Variants in UBE3C observed in about 807,000 individuals in gnomAD.
UBE3C encodes the protein ubiquitin-protein ligase E3C.
Under a neutral mutation model 129.4 loss-of-function variants are expected in UBE3C, and 42 were observed. That is an observed-to-expected ratio of 0.32 (90% CI 0.25 to 0.42). UBE3C has a LOEUF of 0.42. Among genes scored for constraint, UBE3C ranks in the 10% least tolerant of loss-of-function variants. The pLI is 1.00. For synonymous variants in UBE3C, 510 were observed against 492.4 expected (o/e 1.04, Z -0.47); for missense variants, 1,049 against 1,319.1 (o/e 0.80, Z 3.17).
intron 1 of UBE3C, among the ~76,000 whole-genome samples, chr7:157,144,690 TA>T (rs79516096): frequency 6.6e-6 from 1 of 151,390 alleles, no homozygotes; most frequent in East Asian, 1.9e-4. Context: ...GTGCTTTTTT[TA>T]AAAAAAAATA....
At chr7:157,140,131 C>G in intron 1 of UBE3C, 1 of 604,566 alleles carries the variant, frequency 1.7e-6, no homozygotes, top group Non-Finnish European at 2.1e-6. Flanking sequence ...ACCGCTAAGT[C>G]GTTGAACACT....
chr7:157,208,223 T>TG lies in UBE3C; in HGVS notation c.1809+289dup, dbSNP rs148036563. Reference sequence around the variant, plus strand: ...CTGAGTAGCTGGGGCTACTGGCACATGCCACCACACCCAGCTAATTTATTA... The same window carrying TG: ...CTGAGTAGCTGGGGCTACTGGCACATGGCCACCACACCCAGCTAATTTATTA... On this transcript the variant is annotated intron_variant, in intron 13 of 22. Coordinates refer to ENST00000348165, the MANE Select transcript of UBE3C (RefSeq NM_014671.3). Among the ~76,000 whole-genome samples the TG allele has an allele frequency of 3.3e-5, 5 of 151,972 alleles. No homozygotes were observed. The East Asian group carries it at 9.7e-4, about 29-fold the overall frequency.
At chr7:157,172,838 A>G (rs1479269680) in intron 4 of UBE3C, among the ~76,000 whole-genome samples, 1 of 152,210 alleles carries the variant, frequency 6.6e-6, no homozygotes, top group Non-Finnish European at 1.5e-5. Flanking sequence ...AGGTGCTGTG[A>G]GATGTCGATT....
At chr7:157,199,063 C>T (rs1016173468) in intron 10 of UBE3C, among the ~76,000 whole-genome samples, 2 of 152,168 alleles carry the variant, frequency 1.3e-5, no homozygotes, top group African/African-American at 4.8e-5. Flanking sequence ...GTTTCTATGT[C>T]TACACACAAG....
Position 157,225,458 on chromosome 7 carries a change from C to A in UBE3C, c.2152C>A (p.Pro718Thr). ...TAAGCAAGAAGTTCAAGGAGATGGT[C>A]CATTTCTGGATGGAATTAATGTCAC... Reference protein sequence around the residue: ...ADKQEVQGDGPFLDGINVTIR... With the variant: ...ADKQEVQGDGTFLDGINVTIR... Residue 718 changes from proline to threonine, a missense_variant, in exon 17 of 23, where the codon CCA becomes ACA. Physicochemically the swap from Pro to Thr is conservative, Grantham distance 38. Around this residue, in one of 4 missense-constraint regions of UBE3C, gnomAD observed 314 missense variants for 416.9 expected, o/e 0.75. Transcript: ENST00000348165. 6.2e-7 allele frequency: 1 copy of A among 1,605,402 alleles called. No individual in the cohort carries two copies. Among genetic ancestry groups the A allele is most frequent in the Non-Finnish European group, 8.5e-7 (1 of 1,177,910 alleles).
At chr7:157,178,908 C>G (rs1019311981) in intron 6 of UBE3C, 61 bp downstream of exon 6, 2 of 1,574,318 alleles carry the variant, frequency 1.3e-6, no homozygotes, top group Non-Finnish European at 1.7e-6. Context: ...GAGCAGAGGC[C>G]AGCCTGCTGC....
intron 8 of UBE3C, among the ~76,000 whole-genome samples, chr7:157,183,622 A>T (rs1186948206): frequency 6.6e-5 from 10 of 152,196 alleles, no homozygotes; most frequent in African/African-American, 2.4e-4. Context: ...AAGTCACCTC[A>T]AGTATGATCA....
At chr7:157,242,749 A>G (rs1192152068) in intron 18 of UBE3C, among the ~76,000 whole-genome samples, 3 of 151,944 alleles carry the variant, frequency 2.0e-5, no homozygotes, top group African/African-American at 7.3e-5. Context: ...ATAGAACTAG[A>G]AGTCGAGGAA....
rs976187135 is a variant in UBE3C at position 157,139,147 on chromosome 7, G to T, written c.-126G>T. On this transcript the variant is annotated 5_prime_UTR_variant, in exon 1 of 23. Transcript: ENST00000348165. ...CGGGGGCGGGCTCGGGTCGCCTCCCGGCCGCCGCGTCCTCGCTGCCCCGGG... is the reference window on the plus strand; with the variant it reads ...CGGGGGCGGGCTCGGGTCGCCTCCCTGCCGCCGCGTCCTCGCTGCCCCGGG... 49 of 545,498 alleles carry T rather than the reference G, an allele frequency of 9.0e-5. No homozygotes were observed. The African/African-American group carries it at 9.9e-4, about 11-fold the overall frequency. 33.8% of individuals were successfully genotyped at this position (545,498 alleles called of 1,614,324 possible). A position where few individuals can be genotyped will look rare whatever the true frequency, so the allele number is the denominator to read the frequency against.
chr7:157,164,516 CTGTT>C, intron 2 of UBE3C: 1 of 452,246 alleles, frequency 2.2e-6, no homozygotes, highest in South Asian at 1.6e-5. Context: ...TGTGTCTTAA[CTGTT>C]TGTGAAGAAG....
intron 17 of UBE3C, 60 bp from the exon 18 acceptor site, chr7:157,231,020 T>C: frequency 6.3e-7 from 1 of 1,593,456 alleles, no homozygotes; most frequent in Non-Finnish European, 8.5e-7. Flanking sequence ...GTAAGGCTAG[T>C]TGATGTTATT....
intron 13 of UBE3C, among the ~76,000 whole-genome samples, chr7:157,208,791 A>G (rs1322198786): frequency 6.6e-6 from 1 of 152,232 alleles, no homozygotes; most frequent in Non-Finnish European, 1.5e-5. Context: ...AACTGTTGGG[A>G]TGGAAAAAAA....
intron 2 of UBE3C, among the ~76,000 whole-genome samples, chr7:157,167,120 G>A (rs1470646456): frequency 6.6e-6 from 1 of 151,970 alleles, no homozygotes; most frequent in Admixed American, 6.6e-5. Flanking sequence ...TAGTAGAGAT[G>A]GAGTTTCACC....
chr7:157,179,750 G>A (rs981327164), intron 6 of UBE3C, among the ~76,000 whole-genome samples: 2 of 152,186 alleles, frequency 1.3e-5, no homozygotes, highest in African/African-American at 4.8e-5. Context: ...ACATCTAACG[G>A]ACTTGAAGTC....
At chr7:157,153,210 A>G (rs754640525) in intron 1 of UBE3C, among the ~76,000 whole-genome samples, 2 of 152,174 alleles carry the variant, frequency 1.3e-5, no homozygotes, top group African/African-American at 2.4e-5. Flanking sequence ...AAACAAAACA[A>G]AACAAAATTG....
chr7:157,198,431 C>G (rs547980735), intron 10 of UBE3C: 31 of 589,034 alleles, frequency 5.3e-5, no homozygotes, highest in Non-Finnish European at 8.7e-5. Flanking sequence ...TTAAGTTCTG[C>G]AAATCCTGTG....
At chr7:157,217,668 C>G (rs1339081801) in intron 14 of UBE3C, among the ~76,000 whole-genome samples, 1 of 152,066 alleles carries the variant, frequency 6.6e-6, no homozygotes, top group Non-Finnish European at 1.5e-5. Context: ...AACCCTGTAT[C>G]TCTATTGAAA....
At chr7:157,196,926 G>A (rs1324625868) in intron 10 of UBE3C, among the ~76,000 whole-genome samples, 1 of 152,112 alleles carries the variant, frequency 6.6e-6, no homozygotes, top group African/African-American at 2.4e-5. Flanking sequence ...CGGAGATAGC[G>A]CCATTGCACT....
intron 1 of UBE3C, among the ~76,000 whole-genome samples, chr7:157,160,230 A>G (rs1808032484): frequency 1.3e-5 from 2 of 152,026 alleles, no homozygotes; most frequent in Non-Finnish European, 2.9e-5. Flanking sequence ...GCGCGCCACC[A>G]CGCCCAGCTG....
Sources: allele counts gnomAD v4.1 joint callset (sites outside exome capture counted in the v4.1 genomes callset), GRCh38; gene constraint gnomAD v4.1.1; regional missense constraint gnomAD v4.1.1; transcripts MANE v1.5; gene names NCBI Gene and HGNC (gene_info 2026-07-23, HGNC 2026-07-21).